The following TJP3 variants were observed in gnomAD, a reference collection of about 807,000 sequenced individuals.
TJP3 encodes tight junction protein 3.
Under a neutral mutation model 104.2 loss-of-function variants are expected in TJP3, and 85 were observed. The observed-to-expected ratio is 0.82, with a 90% CI of 0.68 to 0.98. TJP3 has a LOEUF of 0.98. Among genes scored for constraint, TJP3 ranks in the 50% least tolerant of loss-of-function variants. The probability of loss-of-function intolerance (pLI) is 0.00; values close to 1 mark genes in which losing one functional copy is unlikely to be tolerated. For missense variants in TJP3, 1,367 were observed against 1,322.8 expected (o/e 1.03, Z -0.52); for synonymous variants, 550 against 550.6 (o/e 1.00, Z 0.02).
In TJP3 at chr19:3,736,241, G is replaced by T. The variant is rs2302306; in HGVS notation, c.1204G>T (p.Val402Leu). ...IGLRLAGGND[V>L]GIFVSGVQAG... ...GCTGCGGCTGGCAGGGGGCAATGAC[G>T]TGGGCATCTTCGTGTCCGGGGTGCA... The change falls in exon 11 of 21, where the codon GTG becomes TTG. Residue 402 changes from valine to leucine, a missense_variant. Coordinates refer to ENST00000541714, the MANE Select transcript of TJP3 (RefSeq NM_001267560.2). 1.3e-6 allele frequency: 2 copies of T among 1,579,182 alleles called. No homozygotes were observed. Among genetic ancestry groups the T allele is most frequent in the Admixed American group, 1.8e-5 (1 of 54,794 alleles).
At chr19:3,709,387 C>A (rs531508620) in intron 1 of TJP3, among the ~76,000 whole-genome samples, 2 of 152,292 alleles carry the variant, frequency 1.3e-5, no homozygotes, top group African/African-American at 4.8e-5. Flanking sequence ...CAAGCCACTG[C>A]GCCCAGACTT....
chr19:3,748,474 T>C (rs931206744), intron 19 of TJP3, among the ~76,000 whole-genome samples: 13 of 151,508 alleles, frequency 8.6e-5, no homozygotes, highest in African/African-American at 2.7e-4. Context: ...GTTTCACCAT[T>C]GGTCAGGCTG....
Position 3,746,400 on chromosome 19 carries a change from C to G in TJP3, c.2011-85C>G. ...GTGAGAGGCTGGGGTCCACTCTGAC[C>G]TCAGACTCTTCATCTTTCTATCTTT... is the stretch of plus-strand genomic sequence containing the variant. On this transcript the variant is annotated intron_variant, in intron 16 of 20. Coordinates refer to ENST00000541714, the MANE Select transcript of TJP3 (RefSeq NM_001267560.2). This position sits in a 1 kb window ranked among gnomAD's most constrained non-coding sequence, Gnocchi z 4.1. 6.7e-7 allele frequency: 1 copy of G among 1,483,726 alleles called. No homozygotes were observed. Among genetic ancestry groups the G allele is most frequent in the Non-Finnish European group, 9.3e-7 (1 of 1,080,934 alleles). 91.9% of individuals were successfully genotyped at this position (1,483,726 alleles called of 1,614,324 possible). A position where few individuals can be genotyped will look rare whatever the true frequency, so the allele number is the denominator to read the frequency against.
Position 3,730,300 on chromosome 19 carries a change from G to A in TJP3, c.262-55G>A. On this transcript the variant is annotated intron_variant, in intron 4 of 20. Transcript: ENST00000541714. This position sits in a 1 kb window ranked among gnomAD's most constrained non-coding sequence, Gnocchi z 7.3. ...CCCAGGGCCACCCGGGGGCTGAGCA[G>A]AGCCTCCCCCAGCCCTTGCCTGTAG... The A allele has an allele frequency of 1.3e-6, 2 of 1,497,600 alleles. No individual in the cohort carries two copies. The highest frequency in any genetic ancestry group is 1.8e-6 in the Non-Finnish European group (2 of 1,115,456). 92.8% of individuals were successfully genotyped at this position (1,497,600 alleles called of 1,614,324 possible). A position where few individuals can be genotyped will look rare whatever the true frequency, so the allele number is the denominator to read the frequency against.
Position 3,730,397 on chromosome 19 carries a change from G to T in TJP3, c.304G>T (p.Ala102Ser), listed in dbSNP as rs1286931806. Residue 102 changes from alanine (A) to serine (S), a missense_variant, in exon 5 of 21, where the codon GCC becomes TCC. Ala to Ser is a moderately conservative substitution (Grantham distance 99). Coordinates refer to ENST00000541714, the MANE Select transcript of TJP3 (RefSeq NM_001267560.2). The surrounding 1 kb of genome is among the most constrained non-coding windows in gnomAD (Gnocchi z 7.3). ...GAGGATCCACCTGCCCGCCACCAAA[G>T]CCAGCCCCTCCAGCCCAGGGCGCCA... Reference protein sequence around the residue: ...PRRIHLPATKASPSSPGRQDS... With the variant: ...PRRIHLPATKSSPSSPGRQDS... The T allele has an allele frequency of 6.4e-7, 1 of 1,563,702 alleles. No homozygotes were observed. Among genetic ancestry groups the T allele is most frequent in the Non-Finnish European group, 8.6e-7 (1 of 1,157,356 alleles).
In TJP3 at chr19:3,735,610, C is replaced by T. The variant is rs768714402; in HGVS notation, c.1031C>T (p.Thr344Ile). 6.2e-6 allele frequency: 10 copies of T among 1,614,062 alleles called. No homozygotes were observed. In the South Asian group the frequency reaches 1.1e-4, roughly 18 times the overall value. ...LRRESSVDSR[T>I]ISEPDEQRSE... is the part of the protein sequence containing the mutation. ...CGGGAAAGTTCAGTAGATTCCAGAA[C>T]CATCTCGGAACCAGATGAGCAACGG... Residue 344 changes from threonine (T) to isoleucine (I), a missense_variant, in exon 9 of 21, where the codon ACC becomes ATC. Thr to Ile is a moderately conservative substitution (Grantham distance 89). Coordinates refer to ENST00000541714, the MANE Select transcript of TJP3 (RefSeq NM_001267560.2).
At chr19:3,733,029 T>TTTTTCTTTTCTTTTC (rs60518145) in intron 6 of TJP3, among the ~76,000 whole-genome samples, 1 of 150,018 alleles carries the variant, frequency 6.7e-6, no homozygotes, top group African/African-American at 2.4e-5. Flanking sequence ...TCTCTTCTCT[T>TTTTTCTTTTCTTTTC]TTTTCTTTTC....
intron 19 of TJP3, chr19:3,749,770 G>A (rs551561042): frequency 2.4e-5 from 7 of 285,722 alleles, no homozygotes; most frequent in East Asian, 7.6e-5. Context: ...TCTGATTAGA[G>A]TGATTTTCCT....
At position 3,734,333 on chromosome 19, in the gene TJP3, C is replaced by G. The variant is rs377468613; in HGVS notation, c.884C>G (p.Ser295Trp). Residue 295 changes from serine (S) to tryptophan (W), a missense_variant, in exon 8 of 21, where the codon TCG becomes TGG. By Grantham distance (177) the Ser-to-Trp change is radical (BLOSUM62 -3). Coordinates refer to ENST00000541714, the MANE Select transcript of TJP3 (RefSeq NM_001267560.2). ...ATGTCCTCTCCCCCTGCAGACATCTCGGACCTCGCCTCGGAGCTATCGCAG... is the reference window on the plus strand; with the variant it reads ...ATGTCCTCTCCCCCTGCAGACATCTGGGACCTCGCCTCGGAGCTATCGCAG... Reference protein sequence around the residue: ...DSDSSPLEDISDLASELSQAP... With the variant: ...DSDSSPLEDIWDLASELSQAP... The G allele has an allele frequency of 1.2e-6, 2 of 1,613,640 alleles. No individual in the cohort carries two copies. The highest frequency in any genetic ancestry group is 8.5e-7 in the Non-Finnish European group (1 of 1,179,990).
chr19:3,733,070 C>T (rs545422746), intron 6 of TJP3, among the ~76,000 whole-genome samples: 124 of 151,030 alleles, frequency 8.2e-4, no homozygotes, highest in Non-Finnish European at 1.3e-3. Context: ...GAGTGTCGCT[C>T]TGTCACCCAG....
chr19:3,710,625 C>A (rs543476072), intron 1 of TJP3, among the ~76,000 whole-genome samples: 2 of 152,136 alleles, frequency 1.3e-5, no homozygotes, highest in African/African-American at 4.8e-5. Context: ...CAGGGTGGAA[C>A]CTGACACCCT....
intron 10 of TJP3, 24 bp downstream of exon 10, chr19:3,735,959 A>T (rs1599156367): frequency 6.2e-7 from 1 of 1,612,530 alleles, no homozygotes; most frequent in Non-Finnish European, 8.5e-7. Flanking sequence ...AAGAAAGCAA[A>T]CCCGCTCAAA....
intron 15 of TJP3, among the ~76,000 whole-genome samples, chr19:3,745,598 G>A (rs1479136877): frequency 6.6e-6 from 1 of 152,220 alleles, no homozygotes; most frequent in East Asian, 1.9e-4. Flanking sequence ...GGTCCTAGAA[G>A]ACAGATAGGG....
chr19:3,747,649 A>G (rs1434138106), intron 18 of TJP3, 145 bp from the exon 19 acceptor site: 2 of 991,146 alleles, frequency 2.0e-6, no homozygotes, highest in Non-Finnish European at 2.9e-6. Context: ...CCCATCCTGG[A>G]GTCAACAGAG....
In TJP3 at chr19:3,730,266, C is replaced by A. The variant is rs991904025; in HGVS notation, c.262-89C>A. On this transcript the variant is annotated intron_variant, in intron 4 of 20. Coordinates refer to ENST00000541714, the MANE Select transcript of TJP3 (RefSeq NM_001267560.2). The surrounding 1 kb of genome is among the most constrained non-coding windows in gnomAD (Gnocchi z 7.3). ...TTGGACATTGAGGCCCAGAGAGAGA[C>A]TGGTGTCCCCCAGGGCCACCCGGGG... 4.7e-6 allele frequency: 7 copies of A among 1,480,814 alleles called. No homozygotes were observed. In the African/African-American group the frequency reaches 7.0e-5, roughly 15 times the overall value. The allele number at this position is 1,480,814 out of a possible 1,614,324, so 91.7% of individuals were successfully genotyped here. A position where few individuals can be genotyped will look rare whatever the true frequency, so the allele number is the denominator to read the frequency against.
intron 1 of TJP3, among the ~76,000 whole-genome samples, chr19:3,714,955 A>T (rs576841565): frequency 1.6e-4 from 25 of 152,370 alleles, no homozygotes; most frequent in Admixed American, 1.5e-3. Context: ...GAATGCACAG[A>T]AGAATTAAGG....
At chr19:3,732,103 G>A (rs1436877444) in intron 6 of TJP3, 65 bp downstream of exon 6, 10 of 1,366,916 alleles carry the variant, frequency 7.3e-6, no homozygotes, top group Non-Finnish European at 8.1e-6. Flanking sequence ...GCAGTCCCAC[G>A]GAGTCATACA....
At chr19:3,725,903 TG>T (rs1360619819) in intron 1 of TJP3, among the ~76,000 whole-genome samples, 2 of 152,170 alleles carry the variant, frequency 1.3e-5, no homozygotes, top group Non-Finnish European at 2.9e-5. Flanking sequence ...TGGGCAGACT[TG>T]GGATTTGAGT....
intron 15 of TJP3, among the ~76,000 whole-genome samples, chr19:3,744,540 T>C (rs1351611922): frequency 6.6e-6 from 1 of 151,982 alleles, no homozygotes; most frequent in East Asian, 1.9e-4. Flanking sequence ...GGCGCGTACC[T>C]GTAGTCCCAG....
Sources: allele counts gnomAD v4.1 joint callset (sites outside exome capture counted in the v4.1 genomes callset), GRCh38; gene constraint gnomAD v4.1.1; non-coding constraint Gnocchi (gnomAD v3.1); transcripts MANE v1.5; gene names NCBI Gene and HGNC (gene_info 2026-07-23, HGNC 2026-07-21).